Variants in TMEM178B observed in about 807,000 individuals in gnomAD.
TMEM178B encodes transmembrane protein 178B.
TMEM178B carries 5 observed loss-of-function variants against 31.0 expected under a neutral mutation model. The ratio of observed to expected loss-of-function variants is 0.16; its 90% CI spans 0.08 to 0.34. The LOEUF is 0.34. TMEM178B is among the 10% of genes least tolerant of loss of function. TMEM178B has a pLI of 1.00. For missense variants in TMEM178B, 275 were observed against 400.3 expected, an observed-to-expected ratio of 0.69 and a Z score of 2.67; for synonymous variants, 164 against 164.0, an observed-to-expected ratio of 1.00 and a Z score of 0.00.
rs1489526128 is a variant in TMEM178B, at chr7:141,318,157, G to C, written c.496+105453G>C. Among the ~76,000 whole-genome samples the C allele has an allele frequency of 4.6e-5, 7 of 152,144 alleles. No individual in the cohort carries two copies. Among genetic ancestry groups the C allele is most frequent in the Non-Finnish European group, 1.0e-4 (7 of 68,022 alleles). On this transcript the variant is annotated intron_variant, in intron 2 of 3. Coordinates refer to ENST00000565468, the MANE Select transcript of TMEM178B (RefSeq NM_001195278.2). This position sits in a 1 kb window ranked among gnomAD's most constrained non-coding sequence, Gnocchi z 4.1. ...TGGATGACCATCCATCCATCCTTCT[G>C]TCCATCAGTCCATCCATCCATTTGT...
chr7:141,486,942 T>C, the TMEM178B span, among the ~76,000 whole-genome samples: 1 of 152,090 alleles, frequency 6.6e-6, no homozygotes, highest in Non-Finnish European at 1.5e-5. Context: ...GACATTCTGA[T>C]AACAACCAGA....
At chr7:141,450,459 T>C (rs1288503603) in intron 3 of TMEM178B, among the ~76,000 whole-genome samples, 31 of 152,230 alleles carry the variant, frequency 2.0e-4, no homozygotes, top group Admixed American at 1.9e-3. Context: ...GTTTTCTTTT[T>C]CAGGACTGAA....
At chr7:141,487,076 C>G in the TMEM178B span, among the ~76,000 whole-genome samples, 1 of 152,010 alleles carries the variant, frequency 6.6e-6, no homozygotes, top group Non-Finnish European at 1.5e-5. Flanking sequence ...GAGCCCATTC[C>G]AAGTCAAATG....
At chr7:141,233,682 C>T (rs1797482692) in intron 2 of TMEM178B, among the ~76,000 whole-genome samples, 3 of 152,184 alleles carry the variant, frequency 2.0e-5, no homozygotes, top group African/African-American at 7.2e-5. Flanking sequence ...GCCCTGAGCA[C>T]TTTGACATGG....
At chr7:141,335,805 GGTGT>G (rs1799376066) in intron 2 of TMEM178B, among the ~76,000 whole-genome samples, 1 of 151,996 alleles carries the variant, frequency 6.6e-6, no homozygotes, top group Non-Finnish European at 1.5e-5. Context: ...CTGGGGAGAT[GGTGT>G]GTGTGTGTCC....
At chr7:141,270,328 CT>C (rs1364210142) in intron 2 of TMEM178B, among the ~76,000 whole-genome samples, 2 of 152,096 alleles carry the variant, frequency 1.3e-5, no homozygotes, top group African/African-American at 4.8e-5. Flanking sequence ...CAGTCTACAT[CT>C]CTAGGAAGCA....
At chr7:141,488,039 T>C in the TMEM178B span, among the ~76,000 whole-genome samples, 1 of 151,652 alleles carries the variant, frequency 6.6e-6, no homozygotes, top group African/African-American at 2.4e-5. Context: ...GATAATTATC[T>C]CTGAGGTTCA....
At chr7:141,128,771 G>A (rs1481662889) in intron 1 of TMEM178B, among the ~76,000 whole-genome samples, 5 of 152,080 alleles carry the variant, frequency 3.3e-5, no homozygotes, top group Non-Finnish European at 7.4e-5. Flanking sequence ...GTCATCTGTT[G>A]GATGTTCCTC....
Position 141,174,511 on chromosome 7 carries a change from G to A in TMEM178B, c.383-38080G>A, listed in dbSNP as rs374375676. On this transcript the variant is annotated intron_variant, in intron 1 of 3. Transcript: ENST00000565468. ...ATTGCTGGGTCAAATGGTATTTCTA[G>A]TTCTAGATCCTTGAGGAATCACCAC... Among the ~76,000 whole-genome samples the A allele has an allele frequency of 2.0e-5, 3 of 152,132 alleles. No homozygotes were observed. The East Asian group carries it at 5.8e-4, about 29-fold the overall frequency.
At chr7:141,353,380 C>G (rs1410404453) in intron 2 of TMEM178B, among the ~76,000 whole-genome samples, 1 of 152,226 alleles carries the variant, frequency 6.6e-6, no homozygotes, top group East Asian at 1.9e-4. Context: ...ACCCCACCGT[C>G]TCTCCAGGCT....
At chr7:141,419,877 T>C (rs1006063652) in intron 2 of TMEM178B, among the ~76,000 whole-genome samples, 4 of 152,200 alleles carry the variant, frequency 2.6e-5, no homozygotes, top group African/African-American at 9.7e-5. Context: ...TAAGTCAGCA[T>C]GTTATAATAA....
chr7:141,105,650 C>T (rs1006722850), intron 1 of TMEM178B, among the ~76,000 whole-genome samples: 12 of 152,176 alleles, frequency 7.9e-5, no homozygotes, highest in Admixed American at 2.0e-4. Flanking sequence ...CTTCCAAGTT[C>T]GAGCTGCTAA....
In TMEM178B at chr7:141,477,152, T is replaced by G. The variant is rs1199799072; in HGVS notation, c.*6366T>G. 1 of 154,878 alleles carries G rather than the reference T, an allele frequency of 6.5e-6. No homozygotes were observed. Among genetic ancestry groups the G allele is most frequent in the African/African-American group, 2.4e-5 (1 of 41,536 alleles). The allele number at this position is 154,878 out of a possible 1,614,324, so 9.6% of individuals were successfully genotyped here. A position where few individuals can be genotyped will look rare whatever the true frequency, so the allele number is the denominator to read the frequency against. On this transcript the variant is annotated 3_prime_UTR_variant, in exon 4 of 4. Transcript: ENST00000565468. ...CGTCTGTACCAGTGCGTCTGTGTTG[T>G]GAGCGTGACGAAGCCTTTCCTGTGA...
chr7:141,149,305 T>C (rs1795915259), intron 1 of TMEM178B, among the ~76,000 whole-genome samples: 2 of 152,172 alleles, frequency 1.3e-5, no homozygotes, highest in East Asian at 1.9e-4. Flanking sequence ...GCCTGTAATC[T>C]TAGCACTTTG....
At chr7:141,119,237 A>G (rs1795370966) in intron 1 of TMEM178B, among the ~76,000 whole-genome samples, 3 of 152,188 alleles carry the variant, frequency 2.0e-5, no homozygotes, top group Non-Finnish European at 2.9e-5. Flanking sequence ...TTATCCATTT[A>G]TCCACTGATT....
chr7:141,176,895 A>AT (rs1796443441), intron 1 of TMEM178B, among the ~76,000 whole-genome samples: 1 of 151,958 alleles, frequency 6.6e-6, no homozygotes. Flanking sequence ...TTTTCAAAAA[A>AT]CCAGCTCCTG....
chr7:141,136,431 T>C (rs939476838), intron 1 of TMEM178B, among the ~76,000 whole-genome samples: 10 of 152,088 alleles, frequency 6.6e-5, no homozygotes, highest in Non-Finnish European at 2.9e-5. Flanking sequence ...GATGAAAACA[T>C]AGGGGAATTG....
At chr7:141,484,025 C>A (rs1198503768), downstream of TMEM178B, among the ~76,000 whole-genome samples, 1 of 152,130 alleles carries the variant, frequency 6.6e-6, no homozygotes, top group Non-Finnish European at 1.5e-5. This position sits in a 1 kb window ranked among gnomAD's most constrained non-coding sequence, Gnocchi z 4.8. Flanking sequence ...CATGAGCCAC[C>A]ATGCCCAGCC....
At chr7:141,234,955 T>A (rs1797504605) in intron 2 of TMEM178B, among the ~76,000 whole-genome samples, 1 of 152,206 alleles carries the variant, frequency 6.6e-6, no homozygotes, top group South Asian at 2.1e-4. Context: ...TAGGCAAATA[T>A]TCAAATGAGT....
Sources: gnomAD v4.1 joint callset for allele counts (sites outside exome capture counted in the v4.1 genomes callset) on GRCh38, gnomAD v4.1.1 for gene constraint, Gnocchi (gnomAD v3.1) non-coding constraint, MANE v1.5 for transcripts, NCBI Gene and HGNC (gene_info 2026-07-23, HGNC 2026-07-21) for gene names.